The following GFUS variants were observed in gnomAD, a reference collection of about 807,000 sequenced individuals.
GFUS encodes 3-5 epimerase/4-reductase.
Under a neutral mutation model 41.5 loss-of-function variants are expected in GFUS, and 42 were observed. That is an observed-to-expected ratio of 1.01 (90% confidence interval 0.79 to 1.31). The LOEUF is 1.31. Ranked by LOEUF, GFUS falls within the 50% of genes most tolerant of loss-of-function variation. The pLI, the probability that GFUS is intolerant of heterozygous loss-of-function variation, is 0.00. For missense variants in GFUS, 437 were observed against 428.7 expected (o/e 1.02, Z -0.17); for synonymous variants, 188 against 173.4 (o/e 1.08, Z -0.66).
intron 6 of GFUS, 21 bp downstream of exon 6, chr8:143,614,299 C>CCAT (rs764637122): frequency 1.2e-6 from 2 of 1,613,644 alleles, no homozygotes; most frequent in Non-Finnish European, 1.7e-6. Context: ...CCCGGGCACC[C>CCAT]CATCGGACGG....
intron 3 of GFUS, chr8:143,615,824 G>A (rs987981567): frequency 1.3e-5 from 5 of 395,066 alleles, no homozygotes; most frequent in Non-Finnish European, 2.3e-5. Flanking sequence ...GTCCCACGTG[G>A]CCGCTGGCTC....
rs763821467 is a variant in GFUS at position 143,612,908 on chromosome 8, C to T, written c.*2G>A. On this transcript the variant is annotated 3_prime_UTR_variant, in exon 11 of 11. Coordinates refer to ENST00000425753, the MANE Select transcript of GFUS (RefSeq NM_003313.4). ...GCTGGCACCTGATCCTGTCTTCCAG[C>T]TTCACTTCCGGGCCTGCTCGTAGTT... 2 of 1,607,280 alleles carry T rather than the reference C, an allele frequency of 1.2e-6. No homozygotes were observed. Among genetic ancestry groups the T allele is most frequent in the Non-Finnish European group, 8.5e-7 (1 of 1,177,566 alleles).
At chr8:143,614,754 C>T (rs750200732) in intron 4 of GFUS, 33 bp downstream of exon 4, 31 of 1,613,232 alleles carry the variant, frequency 1.9e-5, no homozygotes, top group Non-Finnish European at 2.3e-5. Flanking sequence ...ACCGGCTCCC[C>T]GGCCCCACCC....
chr8:143,615,152 C>T (rs1045296262), intron 3 of GFUS, among the ~76,000 whole-genome samples: 7 of 152,096 alleles, frequency 4.6e-5, no homozygotes, highest in Admixed American at 6.5e-5. Flanking sequence ...AGAACCACAC[C>T]CCCAGCTCAG....
rs966668139 is a variant in GFUS at position 143,616,662 on chromosome 8, C to T, written c.51G>A (p.Gly17=). The change falls in exon 2 of 11, where the codon GGG becomes GGA. Residue 17 remains glycine (G), a synonymous_variant. Coordinates refer to ENST00000425753, the MANE Select transcript of GFUS (RefSeq NM_003313.4). ...CCTTCTGGATGGCTTTGCCTACCAGCCCAGAGCCCCCTGTCACTAGAATCC... is the reference window on the plus strand; with the variant it reads ...CCTTCTGGATGGCTTTGCCTACCAGTCCAGAGCCCCCTGTCACTAGAATCC... ...SMRILVTGGS[G]LVGKAIQKVV... The T allele has an allele frequency of 1.2e-6, 2 of 1,613,742 alleles. No homozygotes were observed. The highest frequency in any genetic ancestry group is 2.7e-5 in the African/African-American group (2 of 74,916).
rs1482585103 is a variant in GFUS, at chr8:143,616,699, T to C, written c.14A>G (p.Gln5Arg). The C allele has an allele frequency of 6.2e-7, 1 of 1,613,626 alleles. No homozygotes were observed. Among genetic ancestry groups the C allele is most frequent in the Admixed American group, 1.7e-5 (1 of 60,010 alleles). The change falls in exon 2 of 11, where the codon CAG becomes CGG. Residue 5 changes from glutamine to arginine, a missense_variant. Transcript: ENST00000425753. ...TGTCACTAGAATCCGCATGGATCCC[T>C]GGGGTTCACCCATGTCAGTTGCACC... Reference protein sequence around the residue: MGEPQGSMRILVTGG... With the variant: MGEPRGSMRILVTGG...
intron 2 of GFUS, 130 bp downstream of exon 2, chr8:143,616,437 C>T: frequency 7.0e-7 from 1 of 1,438,570 alleles, no homozygotes; most frequent in Non-Finnish European, 9.7e-7. Context: ...GCCAGGCCAG[C>T]CACCTGGCAG....
chr8:143,616,540 G>A (rs763871185), intron 2 of GFUS, 27 bp downstream of exon 2: 1 of 1,613,544 alleles, frequency 6.2e-7, no homozygotes, highest in Non-Finnish European at 8.5e-7. Context: ...GGAGAGGAAG[G>A]GCTGATCTGG....
intron 2 of GFUS, 56 bp from the exon 3 acceptor site, chr8:143,616,276 G>T: frequency 6.5e-7 from 1 of 1,541,044 alleles, no homozygotes; most frequent in Non-Finnish European, 9.0e-7. Context: ...CCCAGGGTTG[G>T]GTGCCAAGTG....
chr8:143,615,382 G>C (rs1404927492), intron 3 of GFUS, among the ~76,000 whole-genome samples: 2 of 152,202 alleles, frequency 1.3e-5, no homozygotes, highest in Non-Finnish European at 2.9e-5. Context: ...CACTTCCCGT[G>C]CATGAACTAG....
chr8:143,614,600 C>G (rs1044686318), intron 5 of GFUS, 24 bp downstream of exon 5: 2 of 1,570,050 alleles, frequency 1.3e-6, no homozygotes, highest in Non-Finnish European at 8.7e-7. Flanking sequence ...CCTGGCTGGG[C>G]CTCAGCAGGA....
In GFUS at chr8:143,613,745, A is replaced by T; in HGVS notation, c.730+6T>A. On this transcript the variant is annotated splice_donor_region_variant and intron_variant, in intron 8 of 10. Transcript: ENST00000425753. ...GAGGAAGGGGGCTGAGGGCTGAGGT[A>T]CCCACCGGAGAGGATGATGGGCTCC... is the stretch of plus-strand genomic sequence containing the variant. 2 of 1,551,670 alleles carry T rather than the reference A, an allele frequency of 1.3e-6. No homozygotes were observed. Among genetic ancestry groups the T allele is most frequent in the East Asian group, 4.9e-5 (2 of 40,952 alleles).
Position 143,613,504 on chromosome 8 carries a change from G to A in GFUS, c.810+20C>T, listed in dbSNP as rs1382013385. The A allele has an allele frequency of 1.6e-5, 25 of 1,609,102 alleles. No homozygotes were observed. Among genetic ancestry groups the A allele is most frequent in the Non-Finnish European group, 2.0e-5 (24 of 1,179,076 alleles). ...CCAAGGGGCCCCCGCCCAACCCCCA[G>A]CACTGGAGCCAGAGGATACGGTGAC... On this transcript the variant is annotated intron_variant, in intron 9 of 10. Transcript: ENST00000425753.
At chr8:143,613,457 A>G (rs1829629558) in intron 9 of GFUS, 67 bp downstream of exon 9, 1 of 1,557,886 alleles carries the variant, frequency 6.4e-7, no homozygotes, top group Non-Finnish European at 8.8e-7. Context: ...CTGGCCCTAC[A>G]CCGGGTGGCC....
At position 143,614,430 on chromosome 8, in the gene GFUS, C is replaced by A; in HGVS notation, c.488G>T (p.Cys163Phe). ...QNRAYFQQYGCTFTAVIPTNV... is the reference protein window; with the variant it reads ...QNRAYFQQYGFTFTAVIPTNV... ...GGTGGGGATGACAGCGGTGAAGGTG[C>A]AGCCGTACTGCTGGAAGTAGGCCCT... Residue 163 changes from cysteine (C) to phenylalanine (F), a missense_variant, in exon 6 of 11, where the codon TGC becomes TTC. Transcript: ENST00000425753. 1 of 1,613,600 alleles carries A rather than the reference C, an allele frequency of 6.2e-7. No individual in the cohort carries two copies.
rs866453238 is a variant in GFUS, at chr8:143,616,577, C to T, written c.136G>A (p.Ala46Thr). The T allele has an allele frequency of 6.2e-7, 1 of 1,613,788 alleles. No individual in the cohort carries two copies. The highest frequency in any genetic ancestry group is 2.2e-5 in the East Asian group (1 of 44,872). The change falls in exon 2 of 11, where the codon GCC becomes ACC. Residue 46 changes from alanine to threonine, a missense_variant. Transcript: ENST00000425753. ...EDWVFVSSKD[A>T]DLTDTAQTRA... Reference sequence around the variant, plus strand: ...GATGGGCTCACTCACGTGAGATCGGCGTCTTTAGAGGAGACAAACACCCAG... The same window carrying T: ...GATGGGCTCACTCACGTGAGATCGGTGTCTTTAGAGGAGACAAACACCCAG...
Position 143,612,857 on chromosome 8 carries a change from C to G in GFUS, c.*53G>C, listed in dbSNP as rs1024106752. ...CCTGGCAGGGTTGACGGGTGGTGGCCGCTGGGCTCTGCCAGCCGATGGTCC... is the reference window on the plus strand; with the variant it reads ...CCTGGCAGGGTTGACGGGTGGTGGCGGCTGGGCTCTGCCAGCCGATGGTCC... On this transcript the variant is annotated 3_prime_UTR_variant, in exon 11 of 11. Transcript: ENST00000425753. 5 of 1,566,226 alleles carry G rather than the reference C, an allele frequency of 3.2e-6. No individual in the cohort carries two copies. Among genetic ancestry groups the G allele is most frequent in the Non-Finnish European group, 4.3e-6 (5 of 1,158,870 alleles).
chr8:143,614,906 C>T lies in GFUS; in HGVS notation c.271G>A (p.Val91Met), dbSNP rs1480852225. ...TGCAGGACGTTGTCGTTCATGTGCA[C>T]GTTTTTCCTCTGCAGGGGTGAGGCG... ...KYNLDFWRKN[V>M]HMNDNVLHSA... Residue 91 changes from valine (V) to methionine (M), a missense_variant, in exon 4 of 11, where the codon GTG becomes ATG. Physicochemically the swap from Val to Met is conservative, Grantham distance 21. Coordinates refer to ENST00000425753, the MANE Select transcript of GFUS (RefSeq NM_003313.4). The T allele has an allele frequency of 1.6e-5, 25 of 1,607,132 alleles. No individual in the cohort carries two copies. Among genetic ancestry groups the T allele is most frequent in the African/African-American group, 4.0e-5 (3 of 74,860 alleles).
At chr8:143,616,045 AGGAAGTTCCCAGAAC>A (rs1829716210) in intron 3 of GFUS, 46 bp downstream of exon 3, 1 of 1,407,972 alleles carries the variant, frequency 7.1e-7, no homozygotes, top group Non-Finnish European at 9.7e-7. Flanking sequence ...GAAGCCCGCC[AGGAAGTTCCCAGAAC>A]CTGGGATCCT....
Sources: gnomAD v4.1 joint callset for allele counts (sites outside exome capture counted in the v4.1 genomes callset) on GRCh38, gnomAD v4.1.1 for gene constraint, MANE v1.5 for transcripts, NCBI Gene and HGNC (gene_info 2026-07-23, HGNC 2026-07-21) for gene names.